Variants in TSPAN15 observed in about 807,000 individuals in gnomAD.
TSPAN15 encodes tetraspanin 15.
TSPAN15 carries 20 observed loss-of-function variants against 34.5 expected under a neutral mutation model. The observed-to-expected ratio is 0.58, with a 90% CI of 0.41 to 0.84. TSPAN15 has a LOEUF of 0.84. TSPAN15 is among the 40% of genes least tolerant of loss of function. TSPAN15 has a pLI of 0.00. For synonymous variants in TSPAN15, 155 were observed against 153.9 expected, an observed-to-expected ratio of 1.01 and a Z score of -0.05; for missense variants, 313 against 386.1, an observed-to-expected ratio of 0.81 and a Z score of 1.59.
At chr10:69,486,663 G>T (rs1161784392) in intron 3 of TSPAN15, among the ~76,000 whole-genome samples, 10 of 152,174 alleles carry the variant, frequency 6.6e-5, no homozygotes. Context: ...CACACCCTGG[G>T]TTGTGCAGAC....
chr10:69,460,486 C>T (rs1484482399), intron 1 of TSPAN15, among the ~76,000 whole-genome samples: 1 of 152,022 alleles, frequency 6.6e-6, no homozygotes, highest in Admixed American at 6.6e-5. Context: ...GCCATCTCTG[C>T]CTCTGGCGAT....
chr10:69,523,885 TGG>T, the TSPAN15 span, among the ~76,000 whole-genome samples: 2 of 147,744 alleles, frequency 1.4e-5, 1 homozygote, highest in East Asian at 5.0e-4. Flanking sequence ...ATTGGCTATT[TGG>T]GGTCCTTTTT....
the TSPAN15 span, among the ~76,000 whole-genome samples, chr10:69,535,460 A>C: frequency 6.6e-6 from 1 of 152,192 alleles, no homozygotes; most frequent in Non-Finnish European, 1.5e-5. Flanking sequence ...TCTTTTTTGG[A>C]GGGTGACAGA....
chr10:69,476,448 TTGGGAGGCTGAGA>T (rs1841615215), intron 1 of TSPAN15, among the ~76,000 whole-genome samples: 1 of 151,830 alleles, frequency 6.6e-6, no homozygotes, highest in Admixed American at 6.6e-5. Context: ...TCCCAGCACT[TTGGGAGGCTGAGA>T]TGGGAGGATC....
chr10:69,532,300 CA>C, the TSPAN15 span, among the ~76,000 whole-genome samples: 3 of 152,158 alleles, frequency 2.0e-5, no homozygotes, highest in Non-Finnish European at 4.4e-5. Flanking sequence ...CCGTAGTCAC[CA>C]AAACAGCATG....
At chr10:69,451,773 C>A in intron 1 of TSPAN15, 83 bp downstream of exon 1, 1 of 1,134,708 alleles carries the variant, frequency 8.8e-7, no homozygotes, top group Non-Finnish European at 1.2e-6. Context: ...GTTGGGTCCA[C>A]ACTTAGCCGC....
intron 1 of TSPAN15, among the ~76,000 whole-genome samples, chr10:69,467,014 C>T (rs1023282824): frequency 1.3e-5 from 2 of 152,218 alleles, no homozygotes; most frequent in Non-Finnish European, 2.9e-5. Context: ...GAGCCCGTTC[C>T]TGACCTTTAC....
At chr10:69,501,673 G>A (rs1027875412) in intron 5 of TSPAN15, among the ~76,000 whole-genome samples, 3 of 152,156 alleles carry the variant, frequency 2.0e-5, no homozygotes, top group Admixed American at 2.0e-4. Context: ...CACTGAAAAG[G>A]AGCTGAGCCT....
the TSPAN15 span, among the ~76,000 whole-genome samples, chr10:69,532,695 T>C: frequency 6.6e-6 from 1 of 152,204 alleles, no homozygotes; most frequent in South Asian, 2.1e-4. Flanking sequence ...TTAATTAAAC[T>C]AAAGAGCCTT....
chr10:69,486,873 C>T (rs188119579), intron 3 of TSPAN15, among the ~76,000 whole-genome samples: 1 of 152,258 alleles, frequency 6.6e-6, no homozygotes, highest in Admixed American at 6.5e-5. Flanking sequence ...TTCCATTTGC[C>T]CATGAGGCTG....
At chr10:69,545,572 G>C in the TSPAN15 span, among the ~76,000 whole-genome samples, 2 of 152,216 alleles carry the variant, frequency 1.3e-5, no homozygotes, top group Non-Finnish European at 1.5e-5. Context: ...GCCAACAAAA[G>C]CAGGCACCAG....
the TSPAN15 span, among the ~76,000 whole-genome samples, chr10:69,544,174 A>G: frequency 1.3e-4 from 20 of 152,268 alleles, no homozygotes; most frequent in African/African-American, 4.6e-4. Flanking sequence ...TCAAAGGCCC[A>G]TTATACACTT....
chr10:69,456,475 G>T (rs565549908), intron 1 of TSPAN15, among the ~76,000 whole-genome samples: 1 of 151,944 alleles, frequency 6.6e-6, no homozygotes, highest in Non-Finnish European at 1.5e-5. Flanking sequence ...ATAGGTTCAA[G>T]TTGCCCTGAA....
chr10:69,478,272 C>T (rs940734979), intron 1 of TSPAN15, among the ~76,000 whole-genome samples: 1 of 152,188 alleles, frequency 6.6e-6, no homozygotes, highest in Non-Finnish European at 1.5e-5. Context: ...TGCAGGGTTT[C>T]TCTGGGCAGG....
At chr10:69,541,337 G>A in the TSPAN15 span, among the ~76,000 whole-genome samples, 3 of 152,170 alleles carry the variant, frequency 2.0e-5, no homozygotes, top group Non-Finnish European at 4.4e-5. Context: ...AGTCAAAGGA[G>A]ATCATTTTGG....
At chr10:69,508,127 T>G (rs2133174482), downstream of TSPAN15, among the ~76,000 whole-genome samples, 1 of 152,192 alleles carries the variant, frequency 6.6e-6, no homozygotes, top group East Asian at 1.9e-4. Flanking sequence ...TGTGAGGCTC[T>G]TAGTAGCCAG....
At chr10:69,467,327 C>T (rs1841405597) in intron 1 of TSPAN15, among the ~76,000 whole-genome samples, 1 of 152,118 alleles carries the variant, frequency 6.6e-6, no homozygotes, top group South Asian at 2.1e-4. Flanking sequence ...AATTCCAGGC[C>T]AGAACAGGCC....
intron 1 of TSPAN15, among the ~76,000 whole-genome samples, chr10:69,471,774 G>A (rs1308170037): frequency 6.6e-6 from 1 of 152,050 alleles, no homozygotes; most frequent in African/African-American, 2.4e-5. Flanking sequence ...CTTACTTTTT[G>A]TAGGGATGAG....
At chr10:69,505,323 T>C (rs1395626119) in intron 6 of TSPAN15, among the ~76,000 whole-genome samples, 1 of 152,176 alleles carries the variant, frequency 6.6e-6, no homozygotes, top group Non-Finnish European at 1.5e-5. Context: ...GAAGACACAA[T>C]GTAGTCAGGT....
Sources: allele counts gnomAD v4.1 joint callset (sites outside exome capture counted in the v4.1 genomes callset), GRCh38; gene constraint gnomAD v4.1.1; transcripts MANE v1.5; gene names NCBI Gene and HGNC (gene_info 2026-07-23, HGNC 2026-07-21).